Variants in RANBP2 observed in about 807,000 individuals in gnomAD.
RANBP2 encodes the protein E3 SUMO-protein ligase RanBP2.
A neutral mutation model predicts 303.6 loss-of-function variants in RANBP2; 57 were observed. That is an observed-to-expected ratio of 0.19 (90% CI 0.15 to 0.23). RANBP2 has a LOEUF of 0.23. Among genes scored for constraint, RANBP2 ranks in the 10% least tolerant of loss-of-function variants. RANBP2 has a pLI of 1.00. For missense variants in RANBP2, 3,138 were observed against 3,780.8 expected (o/e 0.83, Z 4.46); for synonymous variants, 1,167 against 1,301.5 (o/e 0.90, Z 2.23).
the RANBP2 span, among the ~76,000 whole-genome samples, chr2:109,070,418 G>A: frequency 1.0e-3 from 153 of 152,268 alleles, no homozygotes; most frequent in Non-Finnish European, 1.3e-3. Flanking sequence ...TCCAAATCTC[G>A]TGTTGAAATG....
At chr2:109,258,838 C>T in the RANBP2 span, among the ~76,000 whole-genome samples, 10 of 152,308 alleles carry the variant, frequency 6.6e-5, no homozygotes, top group African/African-American at 1.4e-4. Context: ...GGGGCAGTGA[C>T]CTGTGCTGAT....
downstream of RANBP2, among the ~76,000 whole-genome samples, chr2:108,788,359 GCAGT>G (rs1367319200): frequency 6.6e-6 from 1 of 151,560 alleles, no homozygotes; most frequent in East Asian, 1.9e-4. Flanking sequence ...GGCAGAGGTT[GCAGT>G]GAGCCGAGAT....
chr2:109,174,407 A>T, the RANBP2 span, among the ~76,000 whole-genome samples: 33 of 152,298 alleles, frequency 2.2e-4, no homozygotes, highest in African/African-American at 7.0e-4. Flanking sequence ...TGCAGTTGGC[A>T]GCCAATACTC....
chr2:109,537,210 A>G, the RANBP2 span, among the ~76,000 whole-genome samples: 1 of 152,222 alleles, frequency 6.6e-6, no homozygotes, highest in Non-Finnish European at 1.5e-5. Flanking sequence ...TCAAAATCAG[A>G]AAGTCTCCTT....
chr2:109,407,279 A>G, the RANBP2 span, among the ~76,000 whole-genome samples: 6 of 152,318 alleles, frequency 3.9e-5, no homozygotes, highest in East Asian at 5.8e-4. Flanking sequence ...TTTAAAATCA[A>G]TGGAAGGGGA....
chr2:109,128,697 C>CA, the RANBP2 span: 3 of 169,398 alleles, frequency 1.8e-5, no homozygotes, highest in African/African-American at 7.2e-5. Context: ...AGCTGCTCGC[C>CA]GGCGCTGGCG....
At chr2:109,143,079 C>T in the RANBP2 span, among the ~76,000 whole-genome samples, 1 of 152,066 alleles carries the variant, frequency 6.6e-6, no homozygotes, top group African/African-American at 2.4e-5. Context: ...CCCGGGAACC[C>T]AGTGTGGGGG....
the RANBP2 span, among the ~76,000 whole-genome samples, chr2:109,326,540 G>T: frequency 6.6e-6 from 1 of 152,110 alleles, no homozygotes; most frequent in Non-Finnish European, 1.5e-5. Flanking sequence ...TTGCCAATCT[G>T]GTGGGTGTGA....
intron 3 of RANBP2, 149 bp downstream of exon 3, chr2:108,731,034 T>C: frequency 9.4e-7 from 1 of 1,060,568 alleles, no homozygotes; most frequent in Non-Finnish European, 1.4e-6. Context: ...TTGGAACAGA[T>C]TTAGAATTGT....
chr2:108,873,233 A>G, the RANBP2 span, among the ~76,000 whole-genome samples: 1 of 152,220 alleles, frequency 6.6e-6, no homozygotes, highest in Non-Finnish European at 1.5e-5. Flanking sequence ...GGAATTTAAT[A>G]TTAGGGTAAA....
At chr2:109,544,321 G>A in the RANBP2 span, 2 of 1,582,734 alleles carry the variant, frequency 1.3e-6, no homozygotes, top group South Asian at 1.2e-5. Flanking sequence ...ACAAAAAATT[G>A]GAGCTGGAAA....
At chr2:109,614,805 C>T in the RANBP2 span, 1 of 1,466,674 alleles carries the variant, frequency 6.8e-7, no homozygotes, top group Admixed American at 2.5e-5. Context: ...GCCCGAGGCC[C>T]CCGACGGCCC....
At chr2:108,935,184 C>T in the RANBP2 span, among the ~76,000 whole-genome samples, 2 of 152,318 alleles carry the variant, frequency 1.3e-5, no homozygotes, top group African/African-American at 2.4e-5. Context: ...GCTCTCTCTT[C>T]CTCTGCCTTT....
At chr2:109,481,900 C>G in the RANBP2 span, among the ~76,000 whole-genome samples, 1 of 152,144 alleles carries the variant, frequency 6.6e-6, no homozygotes, top group Admixed American at 6.5e-5. Context: ...ACCACGGAAT[C>G]ACTGCTGGAG....
At chr2:109,701,572 A>C in the RANBP2 span, among the ~76,000 whole-genome samples, 1 of 152,090 alleles carries the variant, frequency 6.6e-6, no homozygotes, top group African/African-American at 2.4e-5. Flanking sequence ...TGGCTCAGTG[A>C]ATCTGCATTT....
the RANBP2 span, among the ~76,000 whole-genome samples, chr2:109,499,522 C>T: frequency 2.4e-4 from 36 of 152,282 alleles, no homozygotes; most frequent in East Asian, 6.2e-3. Context: ...AGCCAGGCTT[C>T]GGGCAAGCAT....
Position 108,766,604 on chromosome 2 carries a change from A to G in RANBP2, c.6065A>G (p.Lys2022Arg). 1 of 1,612,006 alleles carries G rather than the reference A, an allele frequency of 6.2e-7. No individual in the cohort carries two copies. The highest frequency in any genetic ancestry group is 2.2e-5 in the East Asian group (1 of 44,886). Reference sequence around the variant, plus strand: ...GAACCAGTAGTTCAAATGCCCGAAAAAGTAGAACTTGTAACAGGAGAAGAA... The same window carrying G: ...GAACCAGTAGTTCAAATGCCCGAAAGAGTAGAACTTGTAACAGGAGAAGAA... Reference protein sequence around the residue: ...HFEPVVQMPEKVELVTGEEDE... With the variant: ...HFEPVVQMPERVELVTGEEDE... The change falls in exon 20 of 29, where the codon AAA becomes AGA. Residue 2022 changes from lysine (K) to arginine (R), a missense_variant. Physicochemically the swap from Lys to Arg is conservative, Grantham distance 26 (BLOSUM62 2). Coordinates refer to ENST00000283195, the MANE Select transcript of RANBP2 (RefSeq NM_006267.5).
At chr2:109,043,381 C>T in the RANBP2 span, among the ~76,000 whole-genome samples, 1 of 151,606 alleles carries the variant, frequency 6.6e-6, no homozygotes, top group Non-Finnish European at 1.5e-5. Flanking sequence ...CTTCTTCTGT[C>T]CCCCAGGCTG....
At chr2:109,124,864 G>A in the RANBP2 span, among the ~76,000 whole-genome samples, 1 of 152,156 alleles carries the variant, frequency 6.6e-6, no homozygotes, top group Non-Finnish European at 1.5e-5. Flanking sequence ...GATCCTCCAG[G>A]GTTCTGCAAC....
Sources: allele counts gnomAD v4.1 joint callset (sites outside exome capture counted in the v4.1 genomes callset), GRCh38; gene constraint gnomAD v4.1.1; transcripts MANE v1.5; gene names NCBI Gene and HGNC (gene_info 2026-07-23, HGNC 2026-07-21).